CHMP4B: variants seen among roughly 807,000 people sequenced by gnomAD.
CHMP4B encodes charged multivesicular body protein 4B.
A neutral mutation model predicts 25.1 loss-of-function variants in CHMP4B; 1 was observed. The observed-to-expected ratio is 0.04, with a 90% CI of 0.01 to 0.19. CHMP4B has a LOEUF of 0.19. Ranked by LOEUF, CHMP4B falls within the 10% of genes least tolerant of loss-of-function variation. CHMP4B has a pLI of 1.00. For synonymous variants in CHMP4B, 101 were observed against 115.6 expected, an observed-to-expected ratio of 0.87 and a Z score of 0.81; for missense variants, 151 against 289.7, an observed-to-expected ratio of 0.52 and a Z score of 3.48.
chr20:33,838,658 G>A (rs528421012), intron 1 of CHMP4B, among the ~76,000 whole-genome samples: 25 of 152,318 alleles, frequency 1.6e-4, no homozygotes, highest in Admixed American at 7.8e-4. Flanking sequence ...AGCCTGGCTG[G>A]TGTCTAGGAA....
intron 1 of CHMP4B, among the ~76,000 whole-genome samples, chr20:33,834,391 G>A (rs545007274): frequency 6.6e-6 from 1 of 152,126 alleles, no homozygotes; most frequent in East Asian, 1.9e-4. Context: ...GCTTACTGCA[G>A]CCTCAAACTC....
intron 1 of CHMP4B, among the ~76,000 whole-genome samples, chr20:33,845,336 C>G (rs552115292): frequency 1.3e-5 from 2 of 149,972 alleles, no homozygotes; most frequent in Admixed American, 6.6e-5. Context: ...TTTTTTCTTG[C>G]CCCCGAGATG....
intron 1 of CHMP4B, among the ~76,000 whole-genome samples, chr20:33,843,894 T>C (rs1260798671): frequency 6.6e-6 from 1 of 152,264 alleles, no homozygotes. Context: ...TCATGAAGCA[T>C]GTTTAGGTGT....
rs7274168 is a variant in CHMP4B at position 33,848,172 on chromosome 20, C to T, written c.191-295C>T. On this transcript the variant is annotated intron_variant, in intron 1 of 4. Coordinates refer to ENST00000217402, the MANE Select transcript of CHMP4B (RefSeq NM_176812.5). ...GGCTTTGACCCTAAGGGAGTTTGAC[C>T]CCAGAGCATCTTCTTCCTCAGGTGG... Among the ~76,000 whole-genome samples, 77,799 of 151,842 alleles carry T rather than the reference C, an allele frequency of 0.51. 20,894 individuals carry two copies. The highest frequency in any genetic ancestry group is 0.9 in the East Asian group (4,661 of 5,158).
intron 1 of CHMP4B, among the ~76,000 whole-genome samples, chr20:33,828,943 C>G (rs897168463): frequency 6.6e-6 from 1 of 151,774 alleles, no homozygotes; most frequent in African/African-American, 2.4e-5. Context: ...GAGAAGAGAA[C>G]AATATTTGTT....
chr20:33,822,955 A>T (rs1157274602), intron 1 of CHMP4B, among the ~76,000 whole-genome samples: 1 of 151,374 alleles, frequency 6.6e-6, no homozygotes, highest in African/African-American at 2.4e-5. Context: ...CGCCGGGCTA[A>T]TTTTTTGTAT....
At chr20:33,852,230 C>G in intron 4 of CHMP4B, 27 bp downstream of exon 4, 2 of 1,613,770 alleles carry the variant, frequency 1.2e-6, no homozygotes, top group East Asian at 2.2e-5. Flanking sequence ...TCATGGCACA[C>G]CGTGAGGTCA....
rs1322663738 is a variant in CHMP4B, at chr20:33,851,958, C to T, written c.484-119C>T. 1.5e-5 allele frequency: 20 copies of T among 1,360,480 alleles called. No individual in the cohort carries two copies. The East Asian group carries it at 2.3e-4, about 16-fold the overall frequency. 84.3% of individuals were successfully genotyped at this position (1,360,480 alleles called of 1,614,324 possible). A position where few individuals can be genotyped will look rare whatever the true frequency, so the allele number is the denominator to read the frequency against. On this transcript the variant is annotated intron_variant, in intron 3 of 4. Coordinates refer to ENST00000217402, the MANE Select transcript of CHMP4B (RefSeq NM_176812.5). ...ACAGGGTCTGGAACCTGGAATTCACCTCCCCGCAGACCTTCTCAGAGGGGT... is the reference window on the plus strand; with the variant it reads ...ACAGGGTCTGGAACCTGGAATTCACTTCCCCGCAGACCTTCTCAGAGGGGT...
chr20:33,834,037 A>G (rs549262749), intron 1 of CHMP4B, among the ~76,000 whole-genome samples: 16 of 152,134 alleles, frequency 1.1e-4, no homozygotes, highest in Non-Finnish European at 1.6e-4. Context: ...CTTTTCTAGT[A>G]TTGTCATGAA....
chr20:33,835,888 C>T (rs1737417395), intron 1 of CHMP4B, among the ~76,000 whole-genome samples: 1 of 152,272 alleles, frequency 6.6e-6, no homozygotes, highest in Middle Eastern at 3.4e-3. Flanking sequence ...TTTTAACAAC[C>T]AGCTCTTTCG....
intron 4 of CHMP4B, 77 bp downstream of exon 4, chr20:33,852,280 G>A: frequency 6.4e-7 from 1 of 1,572,512 alleles, no homozygotes; most frequent in South Asian, 1.1e-5. Flanking sequence ...TTTGGTTTGT[G>A]GTCGGTTGGC....
chr20:33,813,344 A>G (rs1978692264), intron 1 of CHMP4B, among the ~76,000 whole-genome samples: 1 of 152,172 alleles, frequency 6.6e-6, no homozygotes, highest in Non-Finnish European at 1.5e-5. Flanking sequence ...ATTTTATTCC[A>G]AGTGGATGGA....
chr20:33,812,287 C>T lies in CHMP4B; in HGVS notation c.190+629C>T, dbSNP rs541871738. 3.3e-5 allele frequency among the ~76,000 whole-genome samples: 5 copies of T among 152,314 alleles called. No individual in the cohort carries two copies. The South Asian group carries it at 1.0e-3, about 32-fold the overall frequency. On this transcript the variant is annotated intron_variant, in intron 1 of 4. Transcript: ENST00000217402. ...TCCCCATCCGTCAGCCAGAGTTCGG[C>T]CTCTGTTGAGGCCTAAGGTGTTTTC...
rs528854672 is a variant in CHMP4B, at chr20:33,845,538, G to C, written c.191-2929G>C. The stretch of plus-strand genomic sequence containing the variant: ...GGGTTTCACCATGGTGGCCAGGCTG[G>C]TCTTGAACTCCTGGCCTCAGGTGAT... On this transcript the variant is annotated intron_variant, in intron 1 of 4. Transcript: ENST00000217402. Among the ~76,000 whole-genome samples, 15 of 152,242 alleles carry C rather than the reference G, an allele frequency of 9.9e-5. No individual in the cohort carries two copies. The South Asian group carries it at 3.1e-3, about 32-fold the overall frequency.
intron 1 of CHMP4B, among the ~76,000 whole-genome samples, chr20:33,814,716 G>A (rs1978733204): frequency 6.6e-6 from 1 of 152,218 alleles, no homozygotes; most frequent in Non-Finnish European, 1.5e-5. Flanking sequence ...GTGCAGTGGT[G>A]CAGTTATAGC....
Position 33,848,478 on chromosome 20 carries a change from G to C in CHMP4B, c.202G>C (p.Ala68Pro). The change falls in exon 2 of 5, where the codon GCA (alanine) becomes CCA (proline). Residue 68 changes from alanine to proline, a missense_variant. Coordinates refer to ENST00000217402, the MANE Select transcript of CHMP4B (RefSeq NM_176812.5). ...GTKNKRAALQ[A>P]LKRKKRYEKQ... is the part of the protein sequence containing the mutation. The stretch of plus-strand genomic sequence containing the variant: ...TCTCCCTCACGCAGCGGCCCTCCAG[G>C]CACTGAAGCGTAAGAAGAGGTATGA... The C allele has an allele frequency of 6.2e-7, 1 of 1,614,166 alleles. No individual in the cohort carries two copies. Among genetic ancestry groups the C allele is most frequent in the Non-Finnish European group, 8.5e-7 (1 of 1,180,038 alleles).
intron 1 of CHMP4B, among the ~76,000 whole-genome samples, chr20:33,845,074 T>C (rs564004268): frequency 9.2e-5 from 14 of 152,134 alleles, no homozygotes; most frequent in African/African-American, 2.9e-4. Flanking sequence ...TTTGCTCTTA[T>C]GAACGGTCTC....
chr20:33,815,454 G>A (rs1208323908), intron 1 of CHMP4B, among the ~76,000 whole-genome samples: 1 of 152,216 alleles, frequency 6.6e-6, no homozygotes, highest in Non-Finnish European at 1.5e-5. Flanking sequence ...GGAGAGAGGG[G>A]AGTGGAGGAT....
intron 1 of CHMP4B, among the ~76,000 whole-genome samples, chr20:33,846,968 A>G (rs1191171611): frequency 6.6e-6 from 1 of 152,212 alleles, no homozygotes; most frequent in African/African-American, 2.4e-5. Context: ...AACTGAATTG[A>G]TATAAGACAG....
Sources: allele counts gnomAD v4.1 joint callset (sites outside exome capture counted in the v4.1 genomes callset), GRCh38; gene constraint gnomAD v4.1.1; transcripts MANE v1.5; gene names NCBI Gene and HGNC (gene_info 2026-07-23, HGNC 2026-07-21).